HNF4A: variants seen among roughly 807,000 people sequenced by gnomAD.
HNF4A encodes hepatocyte nuclear factor 4-alpha.
Under a neutral mutation model 52.4 loss-of-function variants are expected in HNF4A, and 15 were observed. The observed-to-expected ratio is 0.29, with a 90% CI of 0.19 to 0.44. HNF4A has a LOEUF of 0.44. Ranked by LOEUF, HNF4A falls within the 20% of genes least tolerant of loss-of-function variation. HNF4A has a pLI of 1.00. For synonymous variants in HNF4A, 280 were observed against 264.4 expected, an observed-to-expected ratio of 1.06 and a Z score of -0.57; for missense variants, 479 against 647.2, an observed-to-expected ratio of 0.74 and a Z score of 2.82.
intron 1 of HNF4A, chr20:44,384,548 G>A (rs1316825119): frequency 6.6e-6 from 1 of 152,090 alleles, no homozygotes; most frequent in African/African-American, 2.4e-5. Context: ...AGCATGGGTC[G>A]GCAGGGGGCG....
intron 1 of HNF4A, among the ~76,000 whole-genome samples, chr20:44,380,411 C>T (rs182157018): frequency 5.5e-4 from 83 of 152,234 alleles, no homozygotes; most frequent in Non-Finnish European, 1.9e-4. Context: ...CCTCCCACCT[C>T]GGCCTCCCAA....
intron 1 of HNF4A, among the ~76,000 whole-genome samples, chr20:44,375,960 T>A (rs1337854566): frequency 6.6e-6 from 1 of 152,076 alleles, no homozygotes; most frequent in Non-Finnish European, 1.5e-5. Context: ...AAAATAGGAT[T>A]CTAGGGCCGG....
upstream of HNF4A, among the ~76,000 whole-genome samples, chr20:44,400,023 C>G (rs538824492): frequency 6.6e-6 from 1 of 152,316 alleles, no homozygotes; most frequent in East Asian, 1.9e-4. Context: ...TGATTGGCAG[C>G]CCTTGAAAAT....
intron 7 of HNF4A, among the ~76,000 whole-genome samples, chr20:44,422,759 G>A (rs974563837): frequency 1.3e-5 from 2 of 150,924 alleles, no homozygotes; most frequent in African/African-American, 2.4e-5. Context: ...GGCTCACTGC[G>A]ACCTCCACCT....
chr20:44,372,070 T>C (rs2063039889), intron 1 of HNF4A, among the ~76,000 whole-genome samples: 1 of 152,202 alleles, frequency 6.6e-6, no homozygotes, highest in African/African-American at 2.4e-5. Flanking sequence ...CCCTATCTGT[T>C]CCATTTATTT....
chr20:44,433,641 A>G (rs1310529937), downstream of HNF4A: 1 of 152,280 alleles, frequency 6.6e-6, no homozygotes, highest in Non-Finnish European at 1.5e-5. Context: ...TGAATGCAAC[A>G]CTGCACTACA....
At chr20:44,386,559 G>A (rs1439631945) in intron 1 of HNF4A, among the ~76,000 whole-genome samples, 1 of 152,108 alleles carries the variant, frequency 6.6e-6, no homozygotes, top group Non-Finnish European at 1.5e-5. Context: ...TTCTTGTAAG[G>A]GTAGAAGCCC....
chr20:44,407,567 A>C (rs2063519187), intron 3 of HNF4A, 92 bp downstream of exon 3: 1 of 894,564 alleles, frequency 1.1e-6, no homozygotes, highest in Non-Finnish European at 1.8e-6. Flanking sequence ...ACACTTTATG[A>C]CTCAGTGGCA....
chr20:44,393,459 C>T (rs1173757930), intron 1 of HNF4A, among the ~76,000 whole-genome samples: 3 of 152,246 alleles, frequency 2.0e-5, no homozygotes, highest in Non-Finnish European at 4.4e-5. Context: ...CCATCTCTCA[C>T]TGGCATCCCT....
intron 2 of HNF4A, among the ~76,000 whole-genome samples, chr20:44,406,566 C>A (rs1011697881): frequency 3.3e-5 from 5 of 152,182 alleles, no homozygotes; most frequent in African/African-American, 1.2e-4. Context: ...AGTAGATGAG[C>A]CCGTCTTCCA....
intron 1 of HNF4A, among the ~76,000 whole-genome samples, chr20:44,379,019 A>G (rs2063120363): frequency 6.6e-6 from 1 of 151,926 alleles, no homozygotes; most frequent in African/African-American, 2.4e-5. Context: ...GAATTTGACT[A>G]CTTTCCTGTA....
At chr20:44,392,749 G>A (rs1363616087) in intron 1 of HNF4A, among the ~76,000 whole-genome samples, 1 of 152,200 alleles carries the variant, frequency 6.6e-6, no homozygotes, top group Non-Finnish European at 1.5e-5. Context: ...AGGCCAGGGA[G>A]GGAAATGACC....
chr20:44,358,347 C>T (rs981378039), intron 1 of HNF4A, among the ~76,000 whole-genome samples: 3 of 152,016 alleles, frequency 2.0e-5, no homozygotes, highest in East Asian at 1.9e-4. Flanking sequence ...CAGTGGCTCA[C>T]GCCTGTAATC....
chr20:44,369,897 GCC>G, intron 1 of HNF4A, among the ~76,000 whole-genome samples: 1 of 152,150 alleles, frequency 6.6e-6, no homozygotes, highest in African/African-American at 2.4e-5. Context: ...CCTCCCGTGA[GCC>G]GCCGCGCCCG....
chr20:44,369,972 C>G (rs945538335), intron 1 of HNF4A, among the ~76,000 whole-genome samples: 5 of 152,060 alleles, frequency 3.3e-5, no homozygotes, highest in South Asian at 4.1e-4. Context: ...CTGATGGTCT[C>G]TCGTCTTTCT....
chr20:44,365,469 C>T (rs1407133564), intron 1 of HNF4A, among the ~76,000 whole-genome samples: 3 of 146,610 alleles, frequency 2.0e-5, no homozygotes, highest in Admixed American at 6.8e-5. Context: ...TGCACCTGGC[C>T]TTTACAATTT....
chr20:44,406,290 AG>A, intron 2 of HNF4A, 58 bp downstream of exon 2: 1 of 1,511,020 alleles, frequency 6.6e-7, no homozygotes, highest in Non-Finnish European at 9.1e-7. Flanking sequence ...CATGGCCCCA[AG>A]GTCTGTCTTC....
intron 1 of HNF4A, among the ~76,000 whole-genome samples, chr20:44,378,457 A>C (rs544851586): frequency 6.6e-6 from 1 of 152,088 alleles, no homozygotes; most frequent in African/African-American, 2.4e-5. Flanking sequence ...TAGTAGAGAC[A>C]GGGTTTCACT....
At position 44,415,411 on chromosome 20, in the gene HNF4A, T is replaced by C. The variant is rs1186712895; in HGVS notation, c.648+749T>C. ...CGTACATTTTTTTGGAATACTGAAATGTCCCTAGGGGGAAGAAAGGGTTGA... is the reference window on the plus strand; with the variant it reads ...CGTACATTTTTTTGGAATACTGAAACGTCCCTAGGGGGAAGAAAGGGTTGA... On this transcript the variant is annotated intron_variant, in intron 5 of 9. Transcript: ENST00000316099. Among the ~76,000 whole-genome samples, 9 of 152,264 alleles carry C rather than the reference T, an allele frequency of 5.9e-5. No individual in the cohort carries two copies. The South Asian group carries it at 1.5e-3, about 25-fold the overall frequency.
Sources: gnomAD v4.1 joint callset for allele counts (sites outside exome capture counted in the v4.1 genomes callset) on GRCh38, gnomAD v4.1.1 for gene constraint, MANE v1.5 for transcripts, NCBI Gene and HGNC (gene_info 2026-07-23, HGNC 2026-07-21) for gene names.